The following NBN variants were observed in gnomAD, a reference collection of about 807,000 sequenced individuals.
NBN encodes the protein nibrin.
In NBN, 88 loss-of-function variants were observed where a neutral mutation model predicts 90.8. That is an observed-to-expected ratio of 0.97 (90% CI 0.82 to 1.16). The LOEUF (loss-of-function observed/expected upper bound fraction) is 1.16, where lower values mean the gene tolerates loss of function less well. Among genes scored for constraint, NBN ranks in the 50% most tolerant of loss-of-function variants. NBN has a pLI of 0.00. For synonymous variants in NBN, 328 were observed against 295.1 expected, an observed-to-expected ratio of 1.11 and a Z score of -1.14; for missense variants, 894 against 869.6, an observed-to-expected ratio of 1.03 and a Z score of -0.35.
intron 8 of NBN, among the ~76,000 whole-genome samples, chr8:89,962,356 G>A (rs564876458): frequency 2.4e-4 from 37 of 152,058 alleles, no homozygotes; most frequent in Non-Finnish European, 4.1e-4. Context: ...CCTAATCACC[G>A]TTTTTATATG....
chr8:89,982,938 T>C (rs1284183946), intron 1 of NBN, 83 bp from the exon 2 acceptor site: 5 of 1,357,146 alleles, frequency 3.7e-6, no homozygotes, highest in Non-Finnish European at 5.2e-6. Flanking sequence ...TGTAAGTGTA[T>C]ATGATATAGG....
intron 7 of NBN, among the ~76,000 whole-genome samples, chr8:89,968,734 A>C (rs1314272781): frequency 6.6e-6 from 1 of 152,156 alleles, no homozygotes; most frequent in Non-Finnish European, 1.5e-5. Context: ...CTGCCGGGTT[A>C]CTGCTTCCTT....
chr8:89,955,295 G>A lies in NBN; in HGVS notation c.1385C>T (p.Ser462Phe), dbSNP rs1563530730. ...TNSIRNYFQP[S>F]TKKRERDEEN... Reference sequence around the variant, plus strand: ...ATCAAAAACAGACCTTTTTTTGGTAGACGGCTGAAAGTAGTTTCTGATGGA... The same window carrying A: ...ATCAAAAACAGACCTTTTTTTGGTAAACGGCTGAAAGTAGTTTCTGATGGA... The change falls in exon 10 of 16, where the codon TCT (serine) becomes TTT (phenylalanine). Residue 462 changes from serine (S) to phenylalanine (F), a missense_variant. Coordinates refer to ENST00000265433, the MANE Select transcript of NBN (RefSeq NM_002485.5). The A allele has an allele frequency of 6.2e-7, 1 of 1,613,220 alleles. No homozygotes were observed. Among genetic ancestry groups the A allele is most frequent in the East Asian group, 2.2e-5 (1 of 44,850 alleles).
At chr8:89,939,149 G>A (rs528944870) in intron 14 of NBN, among the ~76,000 whole-genome samples, 5 of 152,184 alleles carry the variant, frequency 3.3e-5, no homozygotes, top group Admixed American at 6.5e-5. Flanking sequence ...AGGAACTGAC[G>A]CAGTGATTAT....
intron 5 of NBN, 142 bp from the exon 6 acceptor site, chr8:89,971,432 G>T: frequency 1.0e-6 from 1 of 997,622 alleles, no homozygotes; most frequent in Non-Finnish European, 1.4e-6. Context: ...AATTTTATCT[G>T]GGACAAAATG....
chr8:89,937,974 G>A (rs1296479786), intron 14 of NBN, among the ~76,000 whole-genome samples: 1 of 151,862 alleles, frequency 6.6e-6, no homozygotes, highest in Non-Finnish European at 1.5e-5. Flanking sequence ...ATCTTTAAAG[G>A]TACATTCATT....
Position 89,934,029 on chromosome 8 carries a change from T to C in NBN, c.*1553A>G, listed in dbSNP as rs1809552042. ...ACTCTCATTCATTATATTCATAAAT[T>C]GACAAATATAAAAACTGCTATAGTA... On this transcript the variant is annotated 3_prime_UTR_variant, in exon 16 of 16. Coordinates refer to ENST00000265433, the MANE Select transcript of NBN (RefSeq NM_002485.5). The C allele has an allele frequency of 8.7e-6, 2 of 230,574 alleles. No homozygotes were observed. Among genetic ancestry groups the C allele is most frequent in the South Asian group, 3.6e-4 (2 of 5,510 alleles). The allele number at this position is 230,574 out of a possible 1,614,324, so 14.3% of individuals were successfully genotyped here.
intron 14 of NBN, among the ~76,000 whole-genome samples, chr8:89,941,351 GGC>G (rs1269785728): frequency 6.6e-6 from 1 of 152,076 alleles, no homozygotes; most frequent in Non-Finnish European, 1.5e-5. Flanking sequence ...AAACAGGACT[GGC>G]ATAAGGTAAG....
Position 89,935,206 on chromosome 8 carries a change from C to A in NBN, c.*376G>T. 7.4e-6 allele frequency: 2 copies of A among 270,496 alleles called. No homozygotes were observed. The highest frequency in any genetic ancestry group is 8.6e-5 in the South Asian group (1 of 11,644). 16.8% of individuals were successfully genotyped at this position (270,496 alleles called of 1,614,324 possible). A position where few individuals can be genotyped will look rare whatever the true frequency, so the allele number is the denominator to read the frequency against. On this transcript the variant is annotated 3_prime_UTR_variant, in exon 16 of 16. Coordinates refer to ENST00000265433, the MANE Select transcript of NBN (RefSeq NM_002485.5). ...GGAATTTGAATAGGACTCAAAAATC[C>A]CTGGAAAGATTCATAAGAAATGAGT...
chr8:89,971,277 G>C lies in NBN; in HGVS notation c.598C>G (p.Leu200Val). 1 of 1,612,216 alleles carries C rather than the reference G, an allele frequency of 6.2e-7. No homozygotes were observed. Among genetic ancestry groups the C allele is most frequent in the Non-Finnish European group, 8.5e-7 (1 of 1,178,970 alleles). ...PPQIESFYPP[L>V]DEPSIGSKNV... ...TTACTTCCAATAGATGGTTCATCAA[G>C]AGGTGGGTAAAAACTGTAAAAATAA... Residue 200 changes from leucine to valine, a missense_variant, in exon 6 of 16, where the codon CTT becomes GTT. By Grantham distance (32) the Leu-to-Val change is conservative. Coordinates refer to ENST00000265433, the MANE Select transcript of NBN (RefSeq NM_002485.5).
rs529375669 is a variant in NBN at position 89,962,050 on chromosome 8, T to G, written c.994+2360A>C. Among the ~76,000 whole-genome samples the G allele has an allele frequency of 2.0e-4, 31 of 152,292 alleles. 1 individual carries two copies. The highest frequency in any genetic ancestry group is 3.7e-4 in the Non-Finnish European group (25 of 68,014). ...GTCCAAAGTTTCCAGTCTGAGTGCT[T>G]CTTCTTTTTATATAAAAGAAGACTC... is the stretch of plus-strand genomic sequence containing the variant. On this transcript the variant is annotated intron_variant, in intron 8 of 15. Transcript: ENST00000265433.
intron 11 of NBN, among the ~76,000 whole-genome samples, chr8:89,950,415 A>G (rs942501782): frequency 3.3e-5 from 5 of 152,046 alleles, no homozygotes; most frequent in African/African-American, 1.2e-4. Context: ...TTTAGGAAAT[A>G]ATAATTTTTA....
In NBN at chr8:89,970,459, T is replaced by TC. The variant is rs1554563955; in HGVS notation, c.800dup (p.Thr268AsnfsTer5). The TC allele has an allele frequency of 6.2e-7, 1 of 1,614,060 alleles. No homozygotes were observed. The highest frequency in any genetic ancestry group is 2.2e-5 in the East Asian group (1 of 44,868). ...TTATTCCTGTATCAACAACACACGT[T>TC]CCCGGAGCCAAAAAGAAATTATGTT... is the stretch of plus-strand genomic sequence containing the variant. On this transcript the variant is annotated frameshift_variant, in exon 7 of 16. Coordinates refer to ENST00000265433, the MANE Select transcript of NBN (RefSeq NM_002485.5). LOFTEE classifies it high-confidence loss of function.
In NBN at chr8:89,982,764, T is replaced by C. The variant is rs1327270687; in HGVS notation, c.129A>G (p.Arg43=). 1 of 1,614,036 alleles carries C rather than the reference T, an allele frequency of 6.2e-7. No individual in the cohort carries two copies. The highest frequency in any genetic ancestry group is 1.3e-5 in the African/African-American group (1 of 75,042). Residue 43 remains arginine (R), a synonymous_variant, in exon 2 of 16, where the codon CGA becomes CGG. Coordinates refer to ENST00000265433, the MANE Select transcript of NBN (RefSeq NM_002485.5). The part of the protein sequence containing the change: ...ILIENDQSIS[R]NHAVLTANFS... ...AGTTAGCAGTTAACACAGCATGATTTCGGCTGATCGACTGATCATTTTCAA... is the reference window on the plus strand; with the variant it reads ...AGTTAGCAGTTAACACAGCATGATTCCGGCTGATCGACTGATCATTTTCAA...
At chr8:89,974,086 C>G (rs538574907) in intron 5 of NBN, among the ~76,000 whole-genome samples, 3 of 151,940 alleles carry the variant, frequency 2.0e-5, no homozygotes, top group South Asian at 2.1e-4. Context: ...CACTTCTGTA[C>G]GAAGATTTTG....
intron 8 of NBN, among the ~76,000 whole-genome samples, chr8:89,962,252 G>A (rs964012240): frequency 1.3e-5 from 2 of 152,194 alleles, no homozygotes; most frequent in African/African-American, 4.8e-5. Context: ...TGTTTCTGAA[G>A]CATATATCTA....
intron 1 of NBN, 56 bp downstream of exon 1, chr8:89,984,469 C>T: frequency 6.5e-7 from 1 of 1,532,650 alleles, no homozygotes; most frequent in South Asian, 1.1e-5. Flanking sequence ...GCAGGCCCTC[C>T]CCCGAGGCAG....
chr8:89,971,592 G>A (rs1811521542), intron 5 of NBN, among the ~76,000 whole-genome samples: 1 of 152,134 alleles, frequency 6.6e-6, no homozygotes, highest in South Asian at 2.1e-4. Flanking sequence ...CAAACAAGGT[G>A]TCTGAATTAC....
At chr8:89,945,595 G>C (rs1349502801) in intron 13 of NBN, among the ~76,000 whole-genome samples, 1 of 152,072 alleles carries the variant, frequency 6.6e-6, no homozygotes, top group Non-Finnish European at 1.5e-5. Flanking sequence ...GCAAATGTAA[G>C]ACAACAAAAG....
Sources: allele counts gnomAD v4.1 joint callset (sites outside exome capture counted in the v4.1 genomes callset), GRCh38; gene constraint gnomAD v4.1.1; transcripts MANE v1.5; gene names NCBI Gene and HGNC (gene_info 2026-07-23, HGNC 2026-07-21).